CALN1: variants seen among roughly 807,000 people sequenced by gnomAD.
CALN1 encodes calcium-binding protein 8.
CALN1 carries 17 observed loss-of-function variants against 30.6 expected under a neutral mutation model. That is an observed-to-expected ratio of 0.56 (90% CI 0.38 to 0.83). The LOEUF (loss-of-function observed/expected upper bound fraction) is 0.83. Ranked by LOEUF, CALN1 falls within the 40% of genes least tolerant of loss-of-function variation. CALN1 has a pLI of 0.00. For missense variants in CALN1, 291 were observed against 354.9 expected (o/e 0.82, Z 1.45); for synonymous variants, 156 against 131.4 (o/e 1.19, Z -1.28).
chr7:72,294,489 C>A (rs1006173928), intron 2 of CALN1, among the ~76,000 whole-genome samples: 1 of 152,068 alleles, frequency 6.6e-6, no homozygotes, highest in African/African-American at 2.4e-5. Flanking sequence ...GTGGCTCATA[C>A]TCACAATCCC....
At position 72,114,262 on chromosome 7, in the gene CALN1, GGGAAGGGAAGGGA is replaced by G. The variant is rs1807791456; in HGVS notation, c.245-7981_245-7969del. Among the ~76,000 whole-genome samples, 22 of 66,262 alleles carry G rather than the reference GGGAAGGGAAGGGA, an allele frequency of 3.3e-4. 2 individuals are homozygous for G. Among genetic ancestry groups the G allele is most frequent in the Middle Eastern group, 6.7e-3 (1 of 150 alleles). 43.5% of individuals were successfully genotyped at this position (66,262 alleles called of 152,430 possible). A position where few individuals can be genotyped will look rare whatever the true frequency, so the allele number is the denominator to read the frequency against. The stretch of plus-strand genomic sequence containing the variant: ...AAAAGTTGAAGGGAAGGGAAGGGAA[GGGAAGGGAAGGGA>G]AGGGAAGGGAAGGGAAGGGAAGGGA... On this transcript the variant is annotated intron_variant, in intron 3 of 6. Transcript: ENST00000395275.
chr7:72,252,139 T>A (rs887594237), intron 3 of CALN1, among the ~76,000 whole-genome samples: 2 of 152,104 alleles, frequency 1.3e-5, no homozygotes, highest in Non-Finnish European at 2.9e-5. Context: ...CGTTCAATAC[T>A]GAGCTCCTGG....
chr7:72,419,051 A>C (rs1807521225), intron 1 of CALN1, among the ~76,000 whole-genome samples: 1 of 152,048 alleles, frequency 6.6e-6, no homozygotes, highest in Admixed American at 6.6e-5. Context: ...ACCTCTACCC[A>C]TTGAAAAGCC....
chr7:72,247,227 C>CTTTTTTTTTTTTTTTT (rs764276435), intron 3 of CALN1, among the ~76,000 whole-genome samples: 6 of 77,672 alleles, frequency 7.7e-5, no homozygotes, highest in Non-Finnish European at 9.3e-5. Flanking sequence ...CATTTTCTTT[C>CTTTTTTTTTTTTTTTT]TTTTTTTTTT....
chr7:72,177,369 C>CT (rs1266369778), intron 3 of CALN1, among the ~76,000 whole-genome samples: 1 of 151,958 alleles, frequency 6.6e-6, no homozygotes, highest in Non-Finnish European at 1.5e-5. Flanking sequence ...GCCAGAGGGT[C>CT]TATGTAAGAC....
chr7:71,858,581 G>A (rs1214389582), intron 5 of CALN1, among the ~76,000 whole-genome samples: 1 of 151,644 alleles, frequency 6.6e-6, no homozygotes, highest in Non-Finnish European at 1.5e-5. Flanking sequence ...ACAGAGGACA[G>A]ACAGAACTCA....
chr7:72,243,408 G>A (rs1242738007), intron 3 of CALN1, among the ~76,000 whole-genome samples: 5 of 152,318 alleles, frequency 3.3e-5, no homozygotes, highest in Admixed American at 6.5e-5. Context: ...ATGATAAGAA[G>A]TAATTTTGAT....
chr7:72,137,769 G>A (rs952583597), intron 3 of CALN1, among the ~76,000 whole-genome samples: 4 of 152,146 alleles, frequency 2.6e-5, no homozygotes, highest in African/African-American at 9.7e-5. Context: ...TAGCGTCTTT[G>A]TGAAAAATAT....
the CALN1 span, among the ~76,000 whole-genome samples, chr7:72,492,863 G>A: frequency 6.6e-6 from 1 of 152,234 alleles, no homozygotes; most frequent in African/African-American, 2.4e-5. Flanking sequence ...ACAATGGTAT[G>A]TTCGATCCTC....
At chr7:72,287,337 AATG>A (rs1483358675) in intron 2 of CALN1, among the ~76,000 whole-genome samples, 1 of 152,034 alleles carries the variant, frequency 6.6e-6, no homozygotes, top group African/African-American at 2.4e-5. Context: ...AATTTACATA[AATG>A]ATATTACACC....
intron 3 of CALN1, among the ~76,000 whole-genome samples, chr7:72,261,134 C>T (rs1240645924): frequency 6.6e-6 from 1 of 152,030 alleles, no homozygotes; most frequent in Admixed American, 6.6e-5. Flanking sequence ...ATAGTGAAAC[C>T]CATCTCTACA....
chr7:71,870,093 A>G (rs1457479867), intron 5 of CALN1, among the ~76,000 whole-genome samples: 1 of 152,162 alleles, frequency 6.6e-6, no homozygotes, highest in Non-Finnish European at 1.5e-5. Context: ...TTGTTAAGAA[A>G]CAAAGAGTGG....
chr7:72,062,400 T>G (rs918285578), intron 4 of CALN1, among the ~76,000 whole-genome samples: 1 of 150,462 alleles, frequency 6.6e-6, no homozygotes, highest in African/African-American at 2.4e-5. Context: ...TAGTCCCAGC[T>G]ACTTGGGAGG....
chr7:71,929,033 A>G (rs143839367), intron 5 of CALN1, among the ~76,000 whole-genome samples: 26 of 152,112 alleles, frequency 1.7e-4, no homozygotes, highest in Admixed American at 1.0e-3. Flanking sequence ...GAATTATATG[A>G]TATGTGACCT....
chr7:71,939,972 C>T (rs541663032), intron 5 of CALN1, among the ~76,000 whole-genome samples: 24 of 152,300 alleles, frequency 1.6e-4, no homozygotes, highest in African/African-American at 5.1e-4. Flanking sequence ...TAAGCAACTG[C>T]GGACCTTAAG....
intron 4 of CALN1, among the ~76,000 whole-genome samples, chr7:72,032,620 T>C (rs187024230): frequency 6.6e-5 from 10 of 152,344 alleles, no homozygotes; most frequent in African/African-American, 2.2e-4. Context: ...TATGTTTTCC[T>C]ATCTGGGTGT....
chr7:72,471,968 T>A, the CALN1 span, among the ~76,000 whole-genome samples: 19,323 of 152,026 alleles, frequency 0.13, 2,507 homozygotes, highest in African/African-American at 0.33. Context: ...CATAATATTT[T>A]TATGTTTTGT....
At chr7:71,896,637 T>G (rs1004432077) in intron 5 of CALN1, among the ~76,000 whole-genome samples, 1 of 151,852 alleles carries the variant, frequency 6.6e-6, no homozygotes, top group Non-Finnish European at 1.5e-5. Context: ...TGCTCTTGAG[T>G]ATGAAAGGAA....
intron 1 of CALN1, among the ~76,000 whole-genome samples, chr7:72,404,511 C>T (rs1053345740): frequency 2.0e-5 from 3 of 152,204 alleles, no homozygotes; most frequent in Non-Finnish European, 4.4e-5. Context: ...GCCCCGGCCA[C>T]CATGGATCAG....
Sources: gnomAD v4.1 joint callset for allele counts (sites outside exome capture counted in the v4.1 genomes callset) on GRCh38, gnomAD v4.1.1 for gene constraint, MANE v1.5 for transcripts, NCBI Gene and HGNC (gene_info 2026-07-23, HGNC 2026-07-21) for gene names.